Variants in PTBP3 observed in about 807,000 individuals in gnomAD.
PTBP3 encodes the protein polypyrimidine tract-binding protein 3.
Under a neutral mutation model 58.7 loss-of-function variants are expected in PTBP3, and 20 were observed. The ratio of observed to expected loss-of-function variants is 0.34; its 90% CI spans 0.24 to 0.50. The LOEUF is 0.50. PTBP3 is among the 20% of genes least tolerant of loss of function. The pLI, the probability that PTBP3 is intolerant of heterozygous loss-of-function variation, is 0.98. For synonymous variants in PTBP3, 185 were observed against 219.8 expected (o/e 0.84, Z 1.40); for missense variants, 509 against 637.2 (o/e 0.80, Z 2.17).
the PTBP3 span, among the ~76,000 whole-genome samples, chr9:112,351,087 A>G: frequency 6.6e-6 from 1 of 152,184 alleles, no homozygotes; most frequent in African/African-American, 2.4e-5. Flanking sequence ...GCCTGGCCCA[A>G]GTAATTCTTA....
chr9:112,347,587 C>A, the PTBP3 span, among the ~76,000 whole-genome samples: 1 of 152,100 alleles, frequency 6.6e-6, no homozygotes, highest in Non-Finnish European at 1.5e-5. Context: ...AAGTGATCCA[C>A]CTGTCTTGGC....
At chr9:112,238,208 T>C (rs1835509271) in intron 7 of PTBP3, among the ~76,000 whole-genome samples, 2 of 152,096 alleles carry the variant, frequency 1.3e-5, no homozygotes, top group South Asian at 4.1e-4. Context: ...AAATAGTATG[T>C]TTGAAAAAAG....
Position 112,220,816 on chromosome 9 carries a change from T to C in PTBP3, c.*3035A>G, listed in dbSNP as rs978883609. Reference sequence around the variant, plus strand: ...GCTATTTTTTAAAGTCCTGAATATATATACTTTGTGTAGAAGTCAAGACAC... The same window carrying C: ...GCTATTTTTTAAAGTCCTGAATATACATACTTTGTGTAGAAGTCAAGACAC... On this transcript the variant is annotated 3_prime_UTR_variant, in exon 14 of 14. Transcript: ENST00000374257. 1.5e-5 allele frequency: 15 copies of C among 975,242 alleles called. No individual in the cohort carries two copies. The highest frequency in any genetic ancestry group is 1.7e-5 in the Non-Finnish European group (14 of 820,794). The allele number at this position is 975,242 out of a possible 1,614,324, so 60.4% of individuals were successfully genotyped here.
intron 7 of PTBP3, among the ~76,000 whole-genome samples, chr9:112,242,358 G>A (rs1835692897): frequency 6.6e-6 from 1 of 152,144 alleles, no homozygotes; most frequent in South Asian, 2.1e-4. Flanking sequence ...CCAACTTGGA[G>A]TGAGTAATGT....
chr9:112,256,772 C>T (rs57598417), intron 5 of PTBP3, among the ~76,000 whole-genome samples: 1 of 152,242 alleles, frequency 6.6e-6, no homozygotes, highest in East Asian at 1.9e-4. Context: ...ATTCTCCTAC[C>T]TTAGCCTCCC....
intron 7 of PTBP3, among the ~76,000 whole-genome samples, chr9:112,245,496 G>T (rs1005454073): frequency 2.6e-5 from 4 of 151,924 alleles, no homozygotes; most frequent in African/African-American, 9.7e-5. Flanking sequence ...GTTAAAATTT[G>T]TTTTTTAAAA....
intron 1 of PTBP3, among the ~76,000 whole-genome samples, chr9:112,308,067 T>A (rs1428261679): frequency 6.6e-6 from 1 of 152,242 alleles, no homozygotes; most frequent in Non-Finnish European, 1.5e-5. Flanking sequence ...TTCCCTTTTT[T>A]TGAGACAGGG....
chr9:112,285,127 T>C (rs1828054875), intron 2 of PTBP3, among the ~76,000 whole-genome samples: 1 of 152,210 alleles, frequency 6.6e-6, no homozygotes, highest in South Asian at 2.1e-4. Context: ...TCCCATGTGT[T>C]GAGGGGGAGA....
intron 4 of PTBP3, 29 bp from the exon 5 acceptor site, chr9:112,262,628 T>C (rs1836645655): frequency 1.3e-6 from 2 of 1,529,132 alleles, no homozygotes; most frequent in Non-Finnish European, 8.8e-7. Flanking sequence ...TGAGAACTTT[T>C]GATTATACAG....
Position 112,222,142 on chromosome 9 carries a change from T to C in PTBP3, c.*1709A>G, listed in dbSNP as rs1403517622. Reference sequence around the variant, plus strand: ...CTTTTAAAAGTTGAGATGAGACACTTTGAGAATCTGAAAAGTGTAAAAGGG... The same window carrying C: ...CTTTTAAAAGTTGAGATGAGACACTCTGAGAATCTGAAAAGTGTAAAAGGG... On this transcript the variant is annotated 3_prime_UTR_variant, in exon 14 of 14. Transcript: ENST00000374257. 34 of 985,690 alleles carry C rather than the reference T, an allele frequency of 3.4e-5. No individual in the cohort carries two copies. In the South Asian group the frequency reaches 1.3e-3, roughly 38 times the overall value. The allele number at this position is 985,690 out of a possible 1,614,324, so 61.1% of individuals were successfully genotyped here.
chr9:112,243,443 G>A (rs1303310643), intron 7 of PTBP3, among the ~76,000 whole-genome samples: 1 of 152,094 alleles, frequency 6.6e-6, no homozygotes, highest in African/African-American at 2.4e-5. Flanking sequence ...TCAGGAGGCC[G>A]AGGCATGAGA....
chr9:112,274,701 A>T (rs182934002), intron 3 of PTBP3, among the ~76,000 whole-genome samples: 22 of 152,298 alleles, frequency 1.4e-4, no homozygotes, highest in Non-Finnish European at 2.5e-4. Context: ...AAACTGTTAG[A>T]CTTTTTGAGA....
chr9:112,340,265 TTATTGTATTAATAC>T, the PTBP3 span, among the ~76,000 whole-genome samples: 7 of 152,236 alleles, frequency 4.6e-5, no homozygotes, highest in Non-Finnish European at 7.3e-5. Context: ...CTGAAACTGT[TTATTGTATTAATAC>T]TAAATTTGTA....
At chr9:112,376,938 TAAA>T in the PTBP3 span, among the ~76,000 whole-genome samples, 2 of 152,160 alleles carry the variant, frequency 1.3e-5, no homozygotes, top group South Asian at 4.1e-4. Flanking sequence ...CCCTATGAAA[TAAA>T]AAGTTTTATG....
At chr9:112,342,807 C>T in the PTBP3 span, among the ~76,000 whole-genome samples, 1 of 144,884 alleles carries the variant, frequency 6.9e-6, no homozygotes, top group Non-Finnish European at 1.5e-5. Context: ...CTTTTGTTTA[C>T]AAGTTCTACC....
chr9:112,323,764 G>A (rs1044612736), intron 1 of PTBP3, among the ~76,000 whole-genome samples: 1 of 152,192 alleles, frequency 6.6e-6, no homozygotes. Flanking sequence ...AGAACTGTGG[G>A]ACAATTTCAA....
chr9:112,294,565 A>G (rs953141851), intron 2 of PTBP3, among the ~76,000 whole-genome samples: 1 of 152,230 alleles, frequency 6.6e-6, no homozygotes, highest in Non-Finnish European at 1.5e-5. Context: ...TTATATTAAA[A>G]GATTAAATAA....
chr9:112,256,683 A>G (rs919226440), intron 5 of PTBP3, among the ~76,000 whole-genome samples: 1 of 151,754 alleles, frequency 6.6e-6, no homozygotes, highest in Non-Finnish European at 1.5e-5. Flanking sequence ...ACCACCATGC[A>G]TGGCTAATTT....
At chr9:112,330,365 T>G in intron 1 of PTBP3, 2 of 1,118,938 alleles carry the variant, frequency 1.8e-6, no homozygotes, top group Non-Finnish European at 2.6e-6. Flanking sequence ...AAGCAGATAA[T>G]TTTATGAACA....
Sources: gnomAD v4.1 joint callset for allele counts (sites outside exome capture counted in the v4.1 genomes callset) on GRCh38, gnomAD v4.1.1 for gene constraint, MANE v1.5 for transcripts, NCBI Gene and HGNC (gene_info 2026-07-23, HGNC 2026-07-21) for gene names.